Variants in ELF2 observed in about 807,000 individuals in gnomAD.
The protein encoded by ELF2 is E74 like ETS transcription factor 2.
In ELF2, 11 loss-of-function variants were observed where a neutral mutation model predicts 54.8. That is an observed-to-expected ratio of 0.20 (90% CI 0.13 to 0.33). The LOEUF (loss-of-function observed/expected upper bound fraction) is 0.33. Ranked by LOEUF, ELF2 falls within the 10% of genes least tolerant of loss-of-function variation. The pLI is 1.00. For synonymous variants in ELF2, 203 were observed against 245.1 expected (o/e 0.83, Z 1.61); for missense variants, 513 against 703.0 (o/e 0.73, Z 3.06).
At chr4:139,133,634 AC>A (rs1737787458) in intron 3 of ELF2, among the ~76,000 whole-genome samples, 1 of 132,954 alleles carries the variant, frequency 7.5e-6, no homozygotes. Flanking sequence ...ACTTTTCCCT[AC>A]CTTTTTTTTT....
intron 4 of ELF2, among the ~76,000 whole-genome samples, chr4:139,120,631 G>A (rs989441770): frequency 4.0e-5 from 6 of 151,576 alleles, no homozygotes; most frequent in African/African-American, 1.5e-4. Context: ...TTTAAGAGAT[G>A]GAGTCTCACT....
intron 3 of ELF2, among the ~76,000 whole-genome samples, chr4:139,133,317 T>C (rs963083258): frequency 5.9e-5 from 9 of 152,206 alleles, no homozygotes; most frequent in Non-Finnish European, 8.8e-5. Context: ...TCATTCTGTT[T>C]ATTTAGTAGG....
intron 7 of ELF2, chr4:139,067,432 T>C: frequency 2.3e-6 from 1 of 425,836 alleles, no homozygotes; most frequent in South Asian, 4.6e-5. Flanking sequence ...CAGACATCCT[T>C]TGGACTTTTT....
chr4:139,079,522 G>C (rs1730803941), intron 4 of ELF2, among the ~76,000 whole-genome samples: 1 of 152,208 alleles, frequency 6.6e-6, no homozygotes, highest in South Asian at 2.1e-4. Context: ...AAGCGCAGCT[G>C]TAATTCATCA....
At chr4:139,099,325 A>G (rs1733629928) in intron 4 of ELF2, among the ~76,000 whole-genome samples, 1 of 152,264 alleles carries the variant, frequency 6.6e-6, no homozygotes, top group Admixed American at 6.5e-5. Flanking sequence ...ATGTGTTCTC[A>G]TTAATAAACA....
chr4:139,113,421 C>T (rs930290994), intron 4 of ELF2, among the ~76,000 whole-genome samples: 4 of 152,012 alleles, frequency 2.6e-5, no homozygotes, highest in Admixed American at 1.3e-4. Flanking sequence ...TCTGGGAGGG[C>T]GCGGTGGTGG....
intron 4 of ELF2, among the ~76,000 whole-genome samples, chr4:139,097,616 CAAA>C (rs1261659857): frequency 5.4e-5 from 4 of 74,180 alleles, no homozygotes; most frequent in Non-Finnish European, 2.7e-5. Context: ...GACTCTGTCT[CAAA>C]AAAAAAAAAA....
chr4:139,068,132 T>C (rs1728985897), intron 6 of ELF2, among the ~76,000 whole-genome samples: 1 of 152,120 alleles, frequency 6.6e-6, no homozygotes, highest in Non-Finnish European at 1.5e-5. Context: ...GCAATTCTCC[T>C]GTCTCAGCCT....
chr4:139,171,497 A>G (rs181862436), intron 1 of ELF2, among the ~76,000 whole-genome samples: 13 of 152,354 alleles, frequency 8.5e-5, no homozygotes, highest in Admixed American at 2.0e-4. Context: ...AACTTCGGGC[A>G]TAAATGGGTT....
Position 139,177,167 on chromosome 4 carries a change from C to A in ELF2, c.-452G>T, listed in dbSNP as rs1743043964. ...CCCCCGCCCGCGCCGCCCCACCGACCCCCAACCGCCTAGGCGACGGCGGCG... is the reference window on the plus strand; with the variant it reads ...CCCCCGCCCGCGCCGCCCCACCGACACCCAACCGCCTAGGCGACGGCGGCG... On this transcript the variant is annotated 5_prime_UTR_variant, in exon 1 of 10. Transcript: ENST00000686138. The A allele has an allele frequency of 6.6e-6, 1 of 152,340 alleles. No individual in the cohort carries two copies. The highest frequency in any genetic ancestry group is 1.5e-5 in the Non-Finnish European group (1 of 68,328). The allele number at this position is 152,340 out of a possible 1,614,324, so 9.4% of individuals were successfully genotyped here. A position where few individuals can be genotyped will look rare whatever the true frequency, so the allele number is the denominator to read the frequency against.
At chr4:139,177,542 T>C (rs1177123550), upstream of ELF2, among the ~76,000 whole-genome samples, 1 of 151,884 alleles carries the variant, frequency 6.6e-6, no homozygotes. Context: ...CAAACCCGCC[T>C]TCCCAGGTAA....
chr4:139,147,778 AT>A (rs767408414), intron 1 of ELF2, among the ~76,000 whole-genome samples: 2,888 of 120,134 alleles, frequency 0.024, 35 homozygotes, highest in African/African-American at 0.038. Context: ...CCAGCCAGAG[AT>A]TTTTTTTTTT....
chr4:139,081,477 T>C (rs1243897426), intron 4 of ELF2, among the ~76,000 whole-genome samples: 1 of 152,168 alleles, frequency 6.6e-6, no homozygotes, highest in East Asian at 1.9e-4. Flanking sequence ...GTTGTATAAA[T>C]ATCATTCTAC....
At chr4:139,148,316 A>ATTT (rs772079635) in intron 1 of ELF2, among the ~76,000 whole-genome samples, 802 of 64,578 alleles carry the variant, frequency 0.012, 63 homozygotes, top group Non-Finnish European at 0.015. Context: ...TACCTGGCTA[A>ATTT]TTTTTTTTTT....
chr4:139,159,734 A>T (rs1401133060), intron 1 of ELF2, among the ~76,000 whole-genome samples: 1 of 152,172 alleles, frequency 6.6e-6, no homozygotes, highest in Non-Finnish European at 1.5e-5. Flanking sequence ...ATGAGATCTG[A>T]TGCCTTTTGA....
chr4:139,061,635 A>C (rs1727872495), intron 8 of ELF2, among the ~76,000 whole-genome samples: 3 of 152,190 alleles, frequency 2.0e-5, no homozygotes, highest in Non-Finnish European at 4.4e-5. Context: ...AAACACTCCT[A>C]AGTACAAAAG....
chr4:139,163,563 T>C (rs1013219709), intron 1 of ELF2, among the ~76,000 whole-genome samples: 2 of 152,100 alleles, frequency 1.3e-5, no homozygotes, highest in Non-Finnish European at 2.9e-5. Context: ...ACCAAGAATG[T>C]TGTGGAAGAT....
At chr4:139,172,447 C>T (rs1337725778) in intron 1 of ELF2, among the ~76,000 whole-genome samples, 1 of 152,206 alleles carries the variant, frequency 6.6e-6, no homozygotes, top group African/African-American at 2.4e-5. Flanking sequence ...CATATTCACG[C>T]TGTCTACACT....
At chr4:139,112,692 T>C (rs1315765229) in intron 4 of ELF2, among the ~76,000 whole-genome samples, 1 of 152,218 alleles carries the variant, frequency 6.6e-6, no homozygotes, top group Non-Finnish European at 1.5e-5. Flanking sequence ...TACACTGTTG[T>C]ATAGCAAAAA....
Sources: gnomAD v4.1 joint callset for allele counts (sites outside exome capture counted in the v4.1 genomes callset) on GRCh38, gnomAD v4.1.1 for gene constraint, MANE v1.5 for transcripts, NCBI Gene and HGNC (gene_info 2026-07-23, HGNC 2026-07-21) for gene names.